SENP7: variants seen among roughly 807,000 people sequenced by gnomAD.
SENP7 encodes the protein SUMO specific peptidase 7.
A neutral mutation model predicts 141.2 loss-of-function variants in SENP7; 64 were observed. That is an observed-to-expected ratio of 0.45 (90% CI 0.37 to 0.56). The LOEUF (loss-of-function observed/expected upper bound fraction) is 0.56. Ranked by LOEUF, SENP7 falls within the 20% of genes least tolerant of loss-of-function variation. The pLI is 0.00. For synonymous variants in SENP7, 382 were observed against 426.4 expected (o/e 0.90, Z 1.28); for missense variants, 1,025 against 1,212.2 (o/e 0.85, Z 2.29).
intron 4 of SENP7, among the ~76,000 whole-genome samples, chr3:101,454,196 T>C (rs1028302981): frequency 2.0e-5 from 3 of 152,214 alleles, no homozygotes; most frequent in African/African-American, 4.8e-5. Flanking sequence ...CCTAGTTATC[T>C]ATTCAAGATA....
intron 3 of SENP7, among the ~76,000 whole-genome samples, chr3:101,476,452 A>T (rs57312142): frequency 0.4 from 60,405 of 151,976 alleles, 12,526 homozygotes; most frequent in Admixed American, 0.54. Context: ...GGCTGCATAG[A>T]ATTCTATGGT....
At chr3:101,353,958 GA>G (rs139328265) in intron 11 of SENP7, among the ~76,000 whole-genome samples, 2 of 151,176 alleles carry the variant, frequency 1.3e-5, no homozygotes, top group Non-Finnish European at 3.0e-5. Flanking sequence ...CACCAAAAAA[GA>G]AAAAAAAGTT....
chr3:101,361,924 A>T, intron 10 of SENP7, 63 bp from the exon 11 acceptor site: 1 of 1,477,234 alleles, frequency 6.8e-7, no homozygotes, highest in Non-Finnish European at 9.0e-7. Flanking sequence ...GCTGAAAATG[A>T]CTTTCACCAT....
At chr3:101,375,593 T>C (rs1219263212) in intron 6 of SENP7, among the ~76,000 whole-genome samples, 1 of 146,690 alleles carries the variant, frequency 6.8e-6, no homozygotes, top group Non-Finnish European at 1.5e-5. Flanking sequence ...AATCACAAAG[T>C]TACCAAGCAA....
intron 8 of SENP7, among the ~76,000 whole-genome samples, 199 bp downstream of exon 8, chr3:101,367,631 A>G (rs11707689): frequency 0.21 from 32,098 of 152,058 alleles, 3,577 homozygotes; most frequent in Non-Finnish European, 0.24. Flanking sequence ...AGTATTTGAA[A>G]TGTGTTCCAA....
intron 12 of SENP7, among the ~76,000 whole-genome samples, chr3:101,348,326 T>G (rs1434603449): frequency 6.6e-6 from 1 of 152,162 alleles, no homozygotes; most frequent in East Asian, 1.9e-4. Flanking sequence ...CATTATATGA[T>G]TTCAGTTATA....
intron 1 of SENP7, among the ~76,000 whole-genome samples, chr3:101,507,346 C>T (rs1441755544): frequency 6.6e-6 from 1 of 152,152 alleles, no homozygotes; most frequent in African/African-American, 2.4e-5. Context: ...CTTTTCAATC[C>T]TCTGCCTTCC....
intron 10 of SENP7, among the ~76,000 whole-genome samples, 175 bp from the exon 11 acceptor site, chr3:101,362,036 T>C (rs1234244686): frequency 6.6e-6 from 1 of 152,170 alleles, no homozygotes; most frequent in East Asian, 1.9e-4. Context: ...AAAAAATATA[T>C]GACTTACCTT....
chr3:101,356,344 T>C (rs1277064556), intron 11 of SENP7, among the ~76,000 whole-genome samples: 1 of 152,140 alleles, frequency 6.6e-6, no homozygotes, highest in Non-Finnish European at 1.5e-5. Flanking sequence ...GCAGCAACAA[T>C]TGATCATATG....
chr3:101,426,605 G>A (rs1054586385), intron 4 of SENP7, among the ~76,000 whole-genome samples: 5 of 151,500 alleles, frequency 3.3e-5, no homozygotes, highest in African/African-American at 7.3e-5. Context: ...TCAGCCTCCC[G>A]AGTAGCTGGG....
chr3:101,449,924 G>A (rs2063057300), intron 4 of SENP7, among the ~76,000 whole-genome samples: 2 of 152,148 alleles, frequency 1.3e-5, no homozygotes, highest in Admixed American at 1.3e-4. Context: ...TGGCAAATTG[G>A]ATAAAGAGTC....
At chr3:101,498,732 C>A (rs977295694) in intron 2 of SENP7, among the ~76,000 whole-genome samples, 1 of 152,222 alleles carries the variant, frequency 6.6e-6, no homozygotes, top group Non-Finnish European at 1.5e-5. Flanking sequence ...AAGGACAACA[C>A]AGCAGGAGGC....
intron 20 of SENP7, among the ~76,000 whole-genome samples, chr3:101,330,121 A>G (rs548768950): frequency 1.2e-4 from 18 of 152,318 alleles, no homozygotes; most frequent in African/African-American, 4.3e-4. Context: ...ATAAACTACT[A>G]AATAACCTAA....
chr3:101,506,336 TAGTA>T (rs1387039874), intron 1 of SENP7, among the ~76,000 whole-genome samples: 12 of 151,936 alleles, frequency 7.9e-5, no homozygotes, highest in Admixed American at 2.6e-4. Context: ...TTTGACATAA[TAGTA>T]ATTATCATTG....
intron 3 of SENP7, among the ~76,000 whole-genome samples, chr3:101,479,712 G>A (rs1257999412): frequency 6.7e-6 from 1 of 149,704 alleles, no homozygotes; most frequent in Non-Finnish European, 1.5e-5. Context: ...GGAGGCTGAG[G>A]TGGGATCACC....
chr3:101,400,253 T>C (rs1444864470), intron 5 of SENP7, among the ~76,000 whole-genome samples: 1 of 152,236 alleles, frequency 6.6e-6, no homozygotes, highest in East Asian at 1.9e-4. Flanking sequence ...CTGTTATCAA[T>C]ATGCCACTAG....
chr3:101,390,321 C>A (rs1313474208), intron 6 of SENP7, among the ~76,000 whole-genome samples: 2 of 145,592 alleles, frequency 1.4e-5, no homozygotes, highest in African/African-American at 5.1e-5. Flanking sequence ...CTCACGTCAC[C>A]AATAAAGACA....
At chr3:101,493,995 G>C (rs1204784637) in intron 2 of SENP7, 27 bp from the exon 3 acceptor site, 42 of 1,422,638 alleles carry the variant, frequency 3.0e-5, no homozygotes, top group Non-Finnish European at 3.9e-5. Context: ...AAAATAATTA[G>C]TTTAATTGAA....
intron 5 of SENP7, among the ~76,000 whole-genome samples, chr3:101,409,500 G>A (rs745414666): frequency 1.3e-5 from 2 of 152,046 alleles, no homozygotes; most frequent in African/African-American, 2.4e-5. Flanking sequence ...TAAGCAAAGA[G>A]AACAAATCTA....
Sources: gnomAD v4.1 joint callset for allele counts (sites outside exome capture counted in the v4.1 genomes callset) on GRCh38, gnomAD v4.1.1 for gene constraint, MANE v1.5 for transcripts, NCBI Gene and HGNC (gene_info 2026-07-23, HGNC 2026-07-21) for gene names.